MACROD2: variants seen among roughly 807,000 people sequenced by gnomAD.
MACROD2 encodes ADP-ribose glycohydrolase MACROD2.
Under a neutral mutation model 70.4 loss-of-function variants are expected in MACROD2, and 36 were observed. The observed-to-expected ratio is 0.51, with a 90% CI of 0.39 to 0.68. The LOEUF is 0.68. Ranked by LOEUF, MACROD2 falls within the 30% of genes least tolerant of loss-of-function variation. The pLI is 0.00. For synonymous variants in MACROD2, 172 were observed against 178.8 expected, an observed-to-expected ratio of 0.96 and a Z score of 0.30; for missense variants, 496 against 538.4, an observed-to-expected ratio of 0.92 and a Z score of 0.78.
At chr20:15,628,040 C>A (rs972643005) in intron 8 of MACROD2, among the ~76,000 whole-genome samples, 1 of 152,132 alleles carries the variant, frequency 6.6e-6, no homozygotes, top group East Asian at 1.9e-4. Context: ...ATTTGAAGGT[C>A]ATTGCAGAAA....
At chr20:15,146,353 G>A (rs2076230156) in intron 5 of MACROD2, among the ~76,000 whole-genome samples, 1 of 152,142 alleles carries the variant, frequency 6.6e-6, no homozygotes, top group East Asian at 1.9e-4. Context: ...ATTTACTTTT[G>A]GTAACTATCA....
At chr20:15,314,505 C>T (rs961836258) in intron 6 of MACROD2, among the ~76,000 whole-genome samples, 14 of 152,238 alleles carry the variant, frequency 9.2e-5, no homozygotes, top group South Asian at 2.1e-4. Context: ...CTCCCCTACC[C>T]GGCTTGGTAG....
At chr20:15,119,817 A>G (rs1428541453) in intron 5 of MACROD2, among the ~76,000 whole-genome samples, 1 of 152,256 alleles carries the variant, frequency 6.6e-6, no homozygotes, top group East Asian at 1.9e-4. Flanking sequence ...TAATATATGC[A>G]GACTAATGCA....
chr20:14,090,734 G>C (rs1375711026), intron 3 of MACROD2, among the ~76,000 whole-genome samples: 1 of 152,078 alleles, frequency 6.6e-6, no homozygotes, highest in Non-Finnish European at 1.5e-5. Flanking sequence ...TGGCAGTACC[G>C]ATATCCCTTT....
At chr20:16,003,713 C>T (rs2066747258) in intron 15 of MACROD2, among the ~76,000 whole-genome samples, 1 of 152,142 alleles carries the variant, frequency 6.6e-6, no homozygotes, top group Non-Finnish European at 1.5e-5. Context: ...CTCTGTCGCC[C>T]AGGCTGGAGT....
chr20:14,870,026 G>T (rs1891836308), intron 5 of MACROD2, among the ~76,000 whole-genome samples: 1 of 152,090 alleles, frequency 6.6e-6, no homozygotes, highest in Non-Finnish European at 1.5e-5. Context: ...ATGGGAGTTT[G>T]CTGTACAGAT....
intron 8 of MACROD2, among the ~76,000 whole-genome samples, chr20:15,585,882 A>G (rs1278377812): frequency 6.6e-6 from 1 of 152,130 alleles, no homozygotes; most frequent in African/African-American, 2.4e-5. Context: ...CCGTCACACT[A>G]TCAACAGAAA....
chr20:15,652,216 G>A (rs1568953440), intron 8 of MACROD2, among the ~76,000 whole-genome samples: 1 of 152,104 alleles, frequency 6.6e-6, no homozygotes, highest in Non-Finnish European at 1.5e-5. Context: ...TGTTCAGTAG[G>A]CCCTTTATAG....
At chr20:16,024,517 A>G (rs2067050278) in intron 15 of MACROD2, among the ~76,000 whole-genome samples, 1 of 143,548 alleles carries the variant, frequency 7.0e-6, no homozygotes, top group African/African-American at 2.5e-5. Context: ...ACACACAGAC[A>G]CACACACACA....
chr20:15,971,074 C>A (rs975022068), intron 13 of MACROD2, among the ~76,000 whole-genome samples: 1 of 152,114 alleles, frequency 6.6e-6, no homozygotes, highest in Non-Finnish European at 1.5e-5. Flanking sequence ...ACCAGGCATG[C>A]AAAGAATTAT....
intron 8 of MACROD2, among the ~76,000 whole-genome samples, chr20:15,746,839 G>A (rs967271100): frequency 3.3e-5 from 5 of 152,020 alleles, no homozygotes; most frequent in African/African-American, 1.2e-4. Flanking sequence ...GGTTCGAGTG[G>A]CCATGAAGAA....
At chr20:15,373,495 C>A (rs1288624869) in intron 6 of MACROD2, among the ~76,000 whole-genome samples, 1 of 152,186 alleles carries the variant, frequency 6.6e-6, no homozygotes, top group Non-Finnish European at 1.5e-5. Flanking sequence ...TCCTGGAACT[C>A]CTGGGCTCCA....
intron 8 of MACROD2, among the ~76,000 whole-genome samples, chr20:15,745,525 C>T (rs939620917): frequency 1.3e-5 from 2 of 152,098 alleles, no homozygotes; most frequent in Non-Finnish European, 2.9e-5. Context: ...CAGTCAATTT[C>T]GTGTTTGTAA....
intron 5 of MACROD2, among the ~76,000 whole-genome samples, chr20:15,162,431 C>G (rs2076355199): frequency 6.6e-6 from 1 of 151,872 alleles, no homozygotes; most frequent in South Asian, 2.1e-4. Context: ...AAAGGGTGGT[C>G]CAGGAAAAAA....
chr20:14,102,228 T>A (rs1365018237), intron 3 of MACROD2, among the ~76,000 whole-genome samples: 1 of 151,920 alleles, frequency 6.6e-6, no homozygotes, highest in Admixed American at 6.6e-5. Context: ...GGTCTCAATC[T>A]CCTGACCTTG....
At chr20:15,637,006 T>C (rs2049380451) in intron 8 of MACROD2, among the ~76,000 whole-genome samples, 1 of 152,206 alleles carries the variant, frequency 6.6e-6, no homozygotes, top group Non-Finnish European at 1.5e-5. Context: ...AAAGGTGTGC[T>C]GGCAGTTAAA....
At chr20:15,332,802 T>C (rs1486057998) in intron 6 of MACROD2, among the ~76,000 whole-genome samples, 1 of 151,702 alleles carries the variant, frequency 6.6e-6, no homozygotes, top group Non-Finnish European at 1.5e-5. Flanking sequence ...TGTCCTTTTC[T>C]GTTGGGGATA....
At chr20:15,718,567 G>A (rs573883671) in intron 8 of MACROD2, among the ~76,000 whole-genome samples, 1 of 152,176 alleles carries the variant, frequency 6.6e-6, no homozygotes, top group East Asian at 1.9e-4. Flanking sequence ...TGGATAAGCA[G>A]TGTAGGGTGG....
chr20:15,618,485 C>A (rs575991189), intron 8 of MACROD2, among the ~76,000 whole-genome samples: 28 of 152,338 alleles, frequency 1.8e-4, no homozygotes, highest in African/African-American at 6.7e-4. Flanking sequence ...TTTTTATCAA[C>A]TCCAAGCTCT....
Sources: gnomAD v4.1 joint callset for allele counts (sites outside exome capture counted in the v4.1 genomes callset) on GRCh38, gnomAD v4.1.1 for gene constraint, MANE v1.5 for transcripts, NCBI Gene and HGNC (gene_info 2026-07-23, HGNC 2026-07-21) for gene names.